The following KCNH7 variants were observed in gnomAD, a reference collection of about 807,000 sequenced individuals.
KCNH7 encodes potassium voltage-gated channel subfamily H member 7.
In KCNH7, 49 loss-of-function variants were observed where a neutral mutation model predicts 120.8. That is an observed-to-expected ratio of 0.41 (90% confidence interval 0.32 to 0.51). The LOEUF (loss-of-function observed/expected upper bound fraction) is 0.51, where lower values mean the gene tolerates loss of function less well. Ranked by LOEUF, KCNH7 falls within the 20% of genes least tolerant of loss-of-function variation. The pLI is 0.38. For missense variants in KCNH7, 1,097 were observed against 1,446.6 expected (o/e 0.76, Z 3.92); for synonymous variants, 547 against 516.1 (o/e 1.06, Z -0.81).
rs188827370 is a variant in KCNH7, at chr2:162,791,587, T to C, written c.307+44950A>G. Among the ~76,000 whole-genome samples the C allele has an allele frequency of 4.6e-5, 7 of 152,114 alleles. No individual in the cohort carries two copies. In the East Asian group the frequency reaches 1.2e-3, roughly 25 times the overall value. Reference sequence around the variant, plus strand: ...ATTCCTGATTTGGCTCTCAGCTTGATTGTTGGTGTATAGGAATGCTAGTGA... The same window carrying C: ...ATTCCTGATTTGGCTCTCAGCTTGACTGTTGGTGTATAGGAATGCTAGTGA... On this transcript the variant is annotated intron_variant, in intron 2 of 15. Coordinates refer to ENST00000332142, the MANE Select transcript of KCNH7 (RefSeq NM_033272.4).
At chr2:162,565,222 T>C (rs978497276) in intron 2 of KCNH7, among the ~76,000 whole-genome samples, 2 of 152,046 alleles carry the variant, frequency 1.3e-5, no homozygotes, top group Non-Finnish European at 2.9e-5. Context: ...CATATAGGTA[T>C]TTTTTACACA....
rs186490607 is a variant in KCNH7, at chr2:162,447,657, G to A, written c.1129-1214C>T. 9.9e-5 allele frequency among the ~76,000 whole-genome samples: 15 copies of A among 152,156 alleles called. No individual in the cohort carries two copies. In the East Asian group the frequency reaches 2.7e-3, roughly 27 times the overall value. On this transcript the variant is annotated intron_variant, in intron 6 of 15. Transcript: ENST00000332142. ...CATGGATCTCAGGTAATCCTCCATT[G>A]GTTAGTCAGAGAGTGTTATTTCTGT...
At chr2:162,765,845 G>A (rs1030376591) in intron 2 of KCNH7, among the ~76,000 whole-genome samples, 3 of 152,056 alleles carry the variant, frequency 2.0e-5, no homozygotes, top group Admixed American at 1.3e-4. Flanking sequence ...CAGCAGCCTT[G>A]TGCTCTTGGG....
At chr2:162,702,853 A>T (rs557749733) in intron 2 of KCNH7, among the ~76,000 whole-genome samples, 6 of 152,206 alleles carry the variant, frequency 3.9e-5, no homozygotes, top group African/African-American at 1.2e-4. Flanking sequence ...CTCTCTGGTC[A>T]TAGGAATTAT....
chr2:162,679,544 G>T (rs991861152), intron 2 of KCNH7, among the ~76,000 whole-genome samples: 1 of 151,636 alleles, frequency 6.6e-6, no homozygotes, highest in Admixed American at 6.6e-5. Flanking sequence ...GCAGTTGTTT[G>T]AAATATAGGA....
Position 162,435,414 on chromosome 2 carries a change from A to T in KCNH7, c.1738T>A (p.Tyr580Asn), listed in dbSNP as rs1194862913. The T allele has an allele frequency of 6.2e-7, 1 of 1,613,846 alleles. No homozygotes were observed. The highest frequency in any genetic ancestry group is 2.2e-5 in the East Asian group (1 of 44,856). Residue 580 changes from tyrosine to asparagine, a missense_variant, in exon 8 of 16, where the codon TAC becomes AAC. Transcript: ENST00000332142. ...AACCATCCGATTTTGTCAGTCAGGT[A>T]AGGCCTTTCTACATTCCCAATCGCA... The part of the protein sequence containing the change: ...WYAIGNVERP[Y>N]LTDKIGWLDS...
intron 2 of KCNH7, among the ~76,000 whole-genome samples, chr2:162,665,656 A>G (rs1225720657): frequency 2.0e-5 from 3 of 152,184 alleles, no homozygotes; most frequent in Non-Finnish European, 4.4e-5. Flanking sequence ...GCTATCTTGT[A>G]TAAGCAACTC....
At chr2:162,660,245 T>C in intron 2 of KCNH7, among the ~76,000 whole-genome samples, 1 of 152,298 alleles carries the variant, frequency 6.6e-6, no homozygotes, top group East Asian at 1.9e-4. Flanking sequence ...TCTTCTTTTC[T>C]AATATAAGCA....
chr2:162,571,541 A>T (rs1374421870), intron 2 of KCNH7, among the ~76,000 whole-genome samples: 5 of 146,616 alleles, frequency 3.4e-5, no homozygotes, highest in Admixed American at 6.9e-5. Flanking sequence ...ATTGGAAAAA[A>T]CTACTTTAAA....
chr2:162,624,266 A>G (rs1683464959), intron 2 of KCNH7, among the ~76,000 whole-genome samples: 1 of 152,134 alleles, frequency 6.6e-6, no homozygotes, highest in South Asian at 2.1e-4. Flanking sequence ...TCTCATGGGT[A>G]ACCATTTTAT....
chr2:162,686,773 A>G (rs190988717), intron 2 of KCNH7, among the ~76,000 whole-genome samples: 64 of 152,216 alleles, frequency 4.2e-4, no homozygotes, highest in Non-Finnish European at 7.1e-4. Flanking sequence ...CCAGTTTCAC[A>G]GACAAACCTA....
rs1689089442 is a variant in KCNH7 at position 162,459,865 on chromosome 2, G to A, written c.1129-13422C>T. Among the ~76,000 whole-genome samples, 3 of 152,130 alleles carry A rather than the reference G, an allele frequency of 2.0e-5. No homozygotes were observed. The South Asian group carries it at 6.2e-4, about 32-fold the overall frequency. On this transcript the variant is annotated intron_variant, in intron 6 of 15. Transcript: ENST00000332142. ...AACCCTACCACTTTGGGAGGCTGAG[G>A]TGGGCAGATGACGAGGTCAAGAGAT...
chr2:162,599,696 G>T (rs1417492038), intron 2 of KCNH7, among the ~76,000 whole-genome samples: 6 of 150,680 alleles, frequency 4.0e-5, no homozygotes, highest in Non-Finnish European at 8.9e-5. Flanking sequence ...ACTTACTTTG[G>T]AAATATTACT....
At chr2:162,541,560 G>A (rs1392318002) in intron 2 of KCNH7, among the ~76,000 whole-genome samples, 3 of 152,074 alleles carry the variant, frequency 2.0e-5, no homozygotes, top group African/African-American at 4.8e-5. Context: ...AGAGTTGGAA[G>A]CCATTATCCT....
At chr2:162,393,752 C>T (rs1365936372) in intron 12 of KCNH7, among the ~76,000 whole-genome samples, 1 of 151,886 alleles carries the variant, frequency 6.6e-6, no homozygotes, top group Non-Finnish European at 1.5e-5. Context: ...CTCACTTGGG[C>T]TCCCACTGAG....
At chr2:162,799,893 C>G (rs1279977136) in intron 2 of KCNH7, among the ~76,000 whole-genome samples, 1 of 151,444 alleles carries the variant, frequency 6.6e-6, no homozygotes, top group Non-Finnish European at 1.5e-5. Flanking sequence ...CTTACCAGTG[C>G]TTATGGAAGT....
intron 2 of KCNH7, among the ~76,000 whole-genome samples, chr2:162,792,275 T>C (rs1683975868): frequency 6.6e-6 from 1 of 152,100 alleles, no homozygotes; most frequent in African/African-American, 2.4e-5. Flanking sequence ...AAGGTTTTGG[T>C]ATCACAATGA....
chr2:162,691,600 T>C (rs898395036), intron 2 of KCNH7, among the ~76,000 whole-genome samples: 2 of 152,134 alleles, frequency 1.3e-5, no homozygotes, highest in African/African-American at 4.8e-5. Flanking sequence ...AATTCATGAG[T>C]ATTATGATTG....
At chr2:162,710,454 A>T (rs1199028115) in intron 2 of KCNH7, among the ~76,000 whole-genome samples, 4 of 152,176 alleles carry the variant, frequency 2.6e-5, no homozygotes, top group African/African-American at 7.2e-5. Context: ...AGCTGAGTAC[A>T]CTGTGCAGCA....
Sources: allele counts gnomAD v4.1 joint callset (sites outside exome capture counted in the v4.1 genomes callset), GRCh38; gene constraint gnomAD v4.1.1; transcripts MANE v1.5; gene names NCBI Gene and HGNC (gene_info 2026-07-23, HGNC 2026-07-21).